PTK2: variants seen among roughly 807,000 people sequenced by gnomAD.
The protein encoded by PTK2 is focal adhesion kinase 1.
A neutral mutation model predicts 150.1 loss-of-function variants in PTK2; 45 were observed. The ratio of observed to expected loss-of-function variants is 0.30; its 90% CI spans 0.24 to 0.38. The LOEUF (loss-of-function observed/expected upper bound fraction) is 0.38. Ranked by LOEUF, PTK2 falls within the 10% of genes least tolerant of loss-of-function variation. PTK2 has a pLI of 1.00. For missense variants in PTK2, 919 were observed against 1,307.3 expected, an observed-to-expected ratio of 0.70 and a Z score of 4.58; for synonymous variants, 432 against 449.2, an observed-to-expected ratio of 0.96 and a Z score of 0.48.
At chr8:140,821,901 A>T (rs996290406) in intron 8 of PTK2, 7 of 152,192 alleles carry the variant, frequency 4.6e-5, no homozygotes, top group African/African-American at 1.7e-4. Flanking sequence ...ATGGAAAGTG[A>T]GGTGGTCAGC....
chr8:140,837,314 A>C (rs1026569510), intron 7 of PTK2, among the ~76,000 whole-genome samples: 1 of 152,242 alleles, frequency 6.6e-6, no homozygotes, highest in Non-Finnish European at 1.5e-5. Flanking sequence ...AAAGACATGA[A>C]AAGAAAGACT....
intron 23 of PTK2, among the ~76,000 whole-genome samples, chr8:140,716,292 A>C (rs1198063769): frequency 2.0e-5 from 3 of 152,198 alleles, no homozygotes; most frequent in African/African-American, 7.2e-5. Context: ...GTAGTAAACA[A>C]ATTTAAAAAT....
At chr8:140,887,134 T>C (rs779240020) in intron 3 of PTK2, among the ~76,000 whole-genome samples, 6 of 152,144 alleles carry the variant, frequency 3.9e-5, no homozygotes, top group Non-Finnish European at 8.8e-5. Flanking sequence ...TTTGTAATAA[T>C]AACTGGACTG....
At chr8:140,705,542 T>C (rs1038913450) in intron 24 of PTK2, among the ~76,000 whole-genome samples, 1 of 152,118 alleles carries the variant, frequency 6.6e-6, no homozygotes, top group African/African-American at 2.4e-5. Flanking sequence ...GAAGTGAGGA[T>C]GGGATGCACT....
At chr8:140,660,339 G>A (rs1445700259) in intron 31 of PTK2, among the ~76,000 whole-genome samples, 2 of 152,156 alleles carry the variant, frequency 1.3e-5, no homozygotes, top group Non-Finnish European at 2.9e-5. Flanking sequence ...CTCCAAGCCA[G>A]GACAAAAGCC....
intron 1 of PTK2, chr8:140,940,488 G>A (rs1471766720): frequency 6.6e-6 from 1 of 151,926 alleles, no homozygotes; most frequent in African/African-American, 2.4e-5. Context: ...TATATTACAA[G>A]TGATTCCAGA....
intron 5 of PTK2, among the ~76,000 whole-genome samples, chr8:140,851,347 T>G (rs1287808037): frequency 6.6e-6 from 1 of 152,232 alleles, no homozygotes; most frequent in Non-Finnish European, 1.5e-5. Context: ...TTCATTGATT[T>G]ATCAAATGTT....
intron 1 of PTK2, among the ~76,000 whole-genome samples, chr8:140,977,430 T>C (rs1377698345): frequency 6.6e-6 from 1 of 152,118 alleles, no homozygotes; most frequent in Non-Finnish European, 1.5e-5. Flanking sequence ...GAGACCATCC[T>C]GGCCAACACG....
At chr8:140,693,111 CA>C (rs1463895289) in intron 26 of PTK2, among the ~76,000 whole-genome samples, 1 of 151,950 alleles carries the variant, frequency 6.6e-6, no homozygotes, top group African/African-American at 2.4e-5. Flanking sequence ...AAGCAATGCC[CA>C]ATGGGAAAGA....
At chr8:140,754,897 T>C (rs1356863289) in intron 16 of PTK2, among the ~76,000 whole-genome samples, 1 of 152,022 alleles carries the variant, frequency 6.6e-6, no homozygotes. Flanking sequence ...GTGCAAAGGG[T>C]TTTTTCTAAA....
At chr8:140,780,970 G>C (rs1027626969) in intron 14 of PTK2, among the ~76,000 whole-genome samples, 1 of 152,128 alleles carries the variant, frequency 6.6e-6, no homozygotes, top group Non-Finnish European at 1.5e-5. Context: ...TCCATAAAAA[G>C]TTTTAAAAAC....
intron 1 of PTK2, among the ~76,000 whole-genome samples, chr8:140,971,362 T>G (rs935328619): frequency 6.6e-6 from 1 of 152,244 alleles, no homozygotes; most frequent in Admixed American, 6.5e-5. Context: ...GTGAACTTCA[T>G]TAGCTCTTGT....
intron 26 of PTK2, among the ~76,000 whole-genome samples, chr8:140,694,880 C>G (rs749724214): frequency 2.0e-5 from 3 of 152,228 alleles, no homozygotes; most frequent in African/African-American, 4.8e-5. Flanking sequence ...GACAGTGTCA[C>G]GAGAGCTTCT....
intron 22 of PTK2, among the ~76,000 whole-genome samples, chr8:140,724,523 C>A (rs1412357964): frequency 6.6e-6 from 1 of 152,082 alleles, no homozygotes; most frequent in Admixed American, 6.5e-5. Flanking sequence ...TTAAAGGAAT[C>A]ATGTAAAACT....
intron 3 of PTK2, among the ~76,000 whole-genome samples, chr8:140,890,130 TC>T (rs1261557260): frequency 6.6e-6 from 1 of 152,172 alleles, no homozygotes; most frequent in African/African-American, 2.4e-5. Context: ...CAGCATATGT[TC>T]AAGAGTTTTA....
chr8:140,873,470 T>C (rs571308375), intron 4 of PTK2, among the ~76,000 whole-genome samples: 1 of 152,330 alleles, frequency 6.6e-6, no homozygotes, highest in Admixed American at 6.5e-5. Context: ...GCAATTTTTT[T>C]TTTTTCTGTT....
chr8:140,710,255 AG>A (rs1246828103), intron 23 of PTK2, among the ~76,000 whole-genome samples: 3 of 151,214 alleles, frequency 2.0e-5, no homozygotes, highest in Non-Finnish European at 1.5e-5. Flanking sequence ...ACTTAAGCCC[AG>A]GAAGTGGAGG....
At chr8:140,798,436 A>G (rs899823405) in intron 12 of PTK2, among the ~76,000 whole-genome samples, 3 of 152,246 alleles carry the variant, frequency 2.0e-5, no homozygotes, top group African/African-American at 7.2e-5. Flanking sequence ...TAAAATTGGA[A>G]ACAACCAATG....
intron 14 of PTK2, among the ~76,000 whole-genome samples, chr8:140,778,137 C>T (rs1187355408): frequency 1.3e-5 from 2 of 152,154 alleles, no homozygotes; most frequent in Non-Finnish European, 2.9e-5. Context: ...AATTCCTGAC[C>T]AGGTAACAAG....
Sources: allele counts gnomAD v4.1 joint callset (sites outside exome capture counted in the v4.1 genomes callset), GRCh38; gene constraint gnomAD v4.1.1; transcripts MANE v1.5; gene names NCBI Gene and HGNC (gene_info 2026-07-23, HGNC 2026-07-21).